The following KANSL3 variants were observed in gnomAD, a reference collection of about 807,000 sequenced individuals.
KANSL3 encodes the protein KAT8 regulatory NSL complex subunit 3.
KANSL3 carries 16 observed loss-of-function variants against 89.2 expected under a neutral mutation model. That is an observed-to-expected ratio of 0.18 (90% CI 0.12 to 0.27). KANSL3 has a LOEUF of 0.27. Ranked by LOEUF, KANSL3 falls within the 10% of genes least tolerant of loss-of-function variation. The pLI, the probability that KANSL3 is intolerant of heterozygous loss-of-function variation, is 1.00. For missense variants in KANSL3, 879 were observed against 1,110.6 expected, an observed-to-expected ratio of 0.79 and a Z score of 2.96; for synonymous variants, 385 against 419.7, an observed-to-expected ratio of 0.92 and a Z score of 1.01.
At chr2:96,608,750 T>C (rs912426272) in intron 13 of KANSL3, 86 bp from the exon 14 acceptor site, 5 of 1,578,558 alleles carry the variant, frequency 3.2e-6, no homozygotes, top group Non-Finnish European at 3.5e-6. Flanking sequence ...ATTCCCCTTG[T>C]AGGAACTCAC....
the KANSL3 span, among the ~76,000 whole-genome samples, chr2:96,582,256 G>A: frequency 6.6e-6 from 1 of 152,044 alleles, no homozygotes; most frequent in Non-Finnish European, 1.5e-5. Flanking sequence ...AAATTAGCCG[G>A]GCATGGTGGC....
At chr2:96,590,253 A>C (rs745326177), downstream of KANSL3, among the ~76,000 whole-genome samples, 17 of 152,158 alleles carry the variant, frequency 1.1e-4, no homozygotes, top group Non-Finnish European at 2.2e-4. Flanking sequence ...TGCTGATAGG[A>C]ATGTAAAATA....
intron 3 of KANSL3, among the ~76,000 whole-genome samples, chr2:96,626,496 TG>T (rs996507933): frequency 2.6e-5 from 4 of 152,016 alleles, no homozygotes; most frequent in African/African-American, 9.7e-5. Flanking sequence ...GAAAATGGGG[TG>T]TTTTTGGCTG....
At chr2:96,589,841 G>A (rs1412281660), downstream of KANSL3, among the ~76,000 whole-genome samples, 1 of 151,966 alleles carries the variant, frequency 6.6e-6, no homozygotes, top group Non-Finnish European at 1.5e-5. Flanking sequence ...ACACCTATTA[G>A]AATGGCTAAA....
At chr2:96,583,881 C>T in the KANSL3 span, among the ~76,000 whole-genome samples, 15 of 152,260 alleles carry the variant, frequency 9.9e-5, 1 homozygote, top group South Asian at 8.3e-4. Context: ...TGCTAACACT[C>T]GGTATTGTTG....
Position 96,595,552 on chromosome 2 carries a change from G to C in KANSL3, c.*59C>G. The C allele has an allele frequency of 6.3e-7, 1 of 1,599,236 alleles. No individual in the cohort carries two copies. Among genetic ancestry groups the C allele is most frequent in the Middle Eastern group, 1.7e-4 (1 of 6,022 alleles). On this transcript the variant is annotated 3_prime_UTR_variant, in exon 21 of 21. Transcript: ENST00000431828. ...CTCAGCAGGACCACACACCTGTCCA[G>C]GGCCCACCATGAGGCAGCCATCACC...
At chr2:96,581,701 A>G in the KANSL3 span, among the ~76,000 whole-genome samples, 4 of 152,174 alleles carry the variant, frequency 2.6e-5, no homozygotes, top group Non-Finnish European at 5.9e-5. Context: ...CTCACTTTCT[A>G]TATCTCTGTC....
At chr2:96,630,409 G>T in intron 3 of KANSL3, among the ~76,000 whole-genome samples, 1 of 148,734 alleles carries the variant, frequency 6.7e-6, no homozygotes, top group Non-Finnish European at 1.5e-5. Context: ...CTGGGTGAAA[G>T]AAGCCAGTAG....
intron 3 of KANSL3, 74 bp downstream of exon 3, chr2:96,631,238 A>G: frequency 9.2e-7 from 1 of 1,083,970 alleles, no homozygotes; most frequent in Non-Finnish European, 1.4e-6. Context: ...ATAAGGTCCT[A>G]ATAAGTGTTA....
intron 2 of KANSL3, 151 bp from the exon 3 acceptor site, chr2:96,631,633 A>G (rs2073406074): frequency 6.9e-6 from 6 of 873,880 alleles, no homozygotes; most frequent in Non-Finnish European, 1.1e-5. Context: ...ATCCAAAGTC[A>G]TCTTTCCCAC....
Position 96,605,449 on chromosome 2 carries a change from G to C in KANSL3, c.1804C>G (p.Arg602Gly). 6.2e-7 allele frequency: 1 copy of C among 1,613,948 alleles called. No homozygotes were observed. Among genetic ancestry groups the C allele is most frequent in the Non-Finnish European group, 8.5e-7 (1 of 1,179,836 alleles). ...EKEDLRVQLK[R>G]HHPSSPLPGS... Reference sequence around the variant, plus strand: ...GGAAGGGGACTCGAGGGATGGTGTCGCTTCAGCTGAACCCTAAGATCCTCT... The same window carrying C: ...GGAAGGGGACTCGAGGGATGGTGTCCCTTCAGCTGAACCCTAAGATCCTCT... The change falls in exon 15 of 21, where the codon CGA (arginine) becomes GGA (glycine). Residue 602 changes from arginine (R) to glycine (G), a missense_variant. By Grantham distance (125) the Arg-to-Gly change is moderately radical. Transcript: ENST00000431828.
At position 96,602,101 on chromosome 2, in the gene KANSL3, T is replaced by C; in HGVS notation, c.2482+15A>G. The C allele has an allele frequency of 6.4e-7, 1 of 1,557,140 alleles. No individual in the cohort carries two copies. The highest frequency in any genetic ancestry group is 8.7e-7 in the Non-Finnish European group (1 of 1,150,446). ...CCAGATCTGGGAGTCCCCACAGTTC[T>C]CATGAGAGACTCACCTGATGCTTGG... is the stretch of plus-strand genomic sequence containing the variant. On this transcript the variant is annotated intron_variant, in intron 19 of 20. Coordinates refer to ENST00000431828, the MANE Select transcript of KANSL3 (RefSeq NM_001115016.3).
rs1183066237 is a variant in KANSL3, at chr2:96,637,106, G to C, written c.30C>G (p.Phe10Leu). The change falls in exon 2 of 21, where the codon TTC becomes TTG. Residue 10 changes from phenylalanine to leucine, a missense_variant. This residue lies in a region of KANSL3 where 210 missense variants were observed against 311.9 expected (regional missense o/e 0.67). Coordinates refer to ENST00000431828, the MANE Select transcript of KANSL3 (RefSeq NM_001115016.3). ...TGCCCATGCGTCGAGCTGAAGTCTG[G>C]AAGTCCCTCTCCCCACCCCGGTGGG... MAHRGGERD[F>L]QTSARRMGTS... The C allele has an allele frequency of 6.4e-7, 1 of 1,551,662 alleles. No homozygotes were observed. The highest frequency in any genetic ancestry group is 1.2e-5 in the South Asian group (1 of 84,064).
intron 15 of KANSL3, 99 bp downstream of exon 15, chr2:96,605,221 A>T: frequency 9.0e-7 from 1 of 1,112,172 alleles, no homozygotes; most frequent in Middle Eastern, 3.1e-4. Context: ...ATCTCTCAAA[A>T]TAAAGCAAAG....
Position 96,619,770 on chromosome 2 carries a change from G to A in KANSL3, c.387-8C>T. On this transcript the variant is annotated splice_polypyrimidine_tract_variant and splice_region_variant and intron_variant, in intron 3 of 20. Transcript: ENST00000431828. ...GCCATTGTCCAGCCAGTCCTATAAG[G>A]GAAACTCTGAGGAATTATAGTCAAA... 6.4e-7 allele frequency: 1 copy of A among 1,551,904 alleles called. No homozygotes were observed. Among genetic ancestry groups the A allele is most frequent in the East Asian group, 2.4e-5 (1 of 41,108 alleles).
chr2:96,587,029 T>C, the KANSL3 span, among the ~76,000 whole-genome samples: 6 of 152,248 alleles, frequency 3.9e-5, no homozygotes, highest in Admixed American at 3.9e-4. Context: ...ACATATTAAC[T>C]TATCTCTTCC....
intron 6 of KANSL3, 21 bp from the exon 7 acceptor site, chr2:96,612,955 C>G: frequency 6.7e-7 from 1 of 1,497,114 alleles, no homozygotes; most frequent in East Asian, 2.5e-5. Flanking sequence ...AGAATCCCAC[C>G]CAAAAACCAG....
Position 96,609,051 on chromosome 2 carries a change from T to A in KANSL3, c.1397A>T (p.Asp466Val). ...ACGAGTGAGCACTCCAGTCAGAAAG[T>A]CCACAATCTCATCCTAGTGTAGAGA... ...VDRCIQDEIV[D>V]FLTGVLTRAE... Residue 466 changes from aspartate (D) to valine (V), a missense_variant, in exon 13 of 21, where the codon GAC becomes GTC. This residue lies in a region of KANSL3 where 198 missense variants were observed against 260.3 expected (regional missense o/e 0.76). Coordinates refer to ENST00000431828, the MANE Select transcript of KANSL3 (RefSeq NM_001115016.3). 1 of 1,558,952 alleles carries A rather than the reference T, an allele frequency of 6.4e-7. No homozygotes were observed.
Position 96,636,968 on chromosome 2 carries a change from G to A in KANSL3, c.168C>T (p.Pro56=). 2 of 1,549,968 alleles carry A rather than the reference G, an allele frequency of 1.3e-6. No homozygotes were observed. Among genetic ancestry groups the A allele is most frequent in the African/African-American group, 2.7e-5 (2 of 73,128 alleles). The part of the protein sequence containing the change: ...SAHPDASSAR[P]TRMLFVTPRR... ...GGGGAGTGACAAAGAGCATGCGGGT[G>A]GGGCGGGCACTACTGGCATCTGGGT... is the stretch of plus-strand genomic sequence containing the variant. Residue 56 remains proline, a synonymous_variant, in exon 2 of 21, where the codon CCC becomes CCT. Transcript: ENST00000431828.
Sources: allele counts gnomAD v4.1 joint callset (sites outside exome capture counted in the v4.1 genomes callset), GRCh38; gene constraint gnomAD v4.1.1; regional missense constraint gnomAD v4.1.1; transcripts MANE v1.5; gene names NCBI Gene and HGNC (gene_info 2026-07-23, HGNC 2026-07-21).